SUCLG2: variants seen among roughly 807,000 people sequenced by gnomAD.
SUCLG2 encodes the protein succinate-CoA ligase GDP-forming subunit beta, also known as succinate--CoA ligase [GDP-forming] subunit beta, mitochondrial.
Under a neutral mutation model 47.9 loss-of-function variants are expected in SUCLG2, and 42 were observed. The observed-to-expected ratio is 0.88, with a 90% CI of 0.69 to 1.14. The LOEUF (loss-of-function observed/expected upper bound fraction) is 1.14, where lower values mean the gene tolerates loss of function less well. SUCLG2 is among the 50% of genes most tolerant of loss of function. The pLI, the probability that SUCLG2 is intolerant of heterozygous loss-of-function variation, is 0.00. For synonymous variants in SUCLG2, 195 were observed against 197.3 expected, an observed-to-expected ratio of 0.99 and a Z score of 0.10; for missense variants, 571 against 525.9, an observed-to-expected ratio of 1.09 and a Z score of -0.84.
At chr3:67,366,359 A>G (rs1033338068) in intron 10 of SUCLG2, among the ~76,000 whole-genome samples, 1 of 151,984 alleles carries the variant, frequency 6.6e-6, no homozygotes, top group African/African-American at 2.4e-5. Context: ...ACAAAACAAA[A>G]CAAAAAAACC....
At chr3:67,616,884 T>C (rs905279576) in intron 1 of SUCLG2, among the ~76,000 whole-genome samples, 2 of 152,198 alleles carry the variant, frequency 1.3e-5, no homozygotes, top group African/African-American at 2.4e-5. Context: ...GTGACGACAG[T>C]GGAATACAAA....
intron 9 of SUCLG2, among the ~76,000 whole-genome samples, chr3:67,482,793 T>C (rs1704950991): frequency 1.3e-5 from 2 of 152,202 alleles, no homozygotes; most frequent in African/African-American, 2.4e-5. Flanking sequence ...CTACTTGGGA[T>C]TAACGAGCAA....
chr3:67,557,554 T>C (rs778663948), intron 2 of SUCLG2, among the ~76,000 whole-genome samples: 2 of 152,170 alleles, frequency 1.3e-5, no homozygotes, highest in African/African-American at 4.8e-5. Context: ...AGACCTCATG[T>C]TTTTATTTGA....
chr3:67,512,885 A>C (rs1166212713), intron 6 of SUCLG2, among the ~76,000 whole-genome samples: 1 of 149,622 alleles, frequency 6.7e-6, no homozygotes, highest in Non-Finnish European at 1.5e-5. Flanking sequence ...CCATCTCCAT[A>C]TATATATATA....
intron 1 of SUCLG2, among the ~76,000 whole-genome samples, chr3:67,624,375 G>A (rs1700787090): frequency 6.6e-6 from 1 of 152,178 alleles, no homozygotes; most frequent in South Asian, 2.1e-4. Flanking sequence ...TCCACTATTT[G>A]TGTTTAGAAA....
chr3:67,511,045 A>G (rs1398170385), intron 6 of SUCLG2, among the ~76,000 whole-genome samples: 2 of 151,826 alleles, frequency 1.3e-5, no homozygotes, highest in Non-Finnish European at 2.9e-5. Context: ...TGTGCCACCA[A>G]GCCTGGCTAA....
At chr3:67,613,008 C>T (rs1156917874) in intron 1 of SUCLG2, among the ~76,000 whole-genome samples, 1 of 152,178 alleles carries the variant, frequency 6.6e-6, no homozygotes, top group African/African-American at 2.4e-5. Flanking sequence ...CAAGGTATGC[C>T]CATGGAGCTT....
intron 2 of SUCLG2, among the ~76,000 whole-genome samples, chr3:67,553,527 CT>C: frequency 6.6e-6 from 1 of 152,230 alleles, no homozygotes; most frequent in African/African-American, 2.4e-5. Flanking sequence ...ACTAAACTCC[CT>C]TAAGTAATCA....
intron 2 of SUCLG2, among the ~76,000 whole-genome samples, chr3:67,608,303 A>T (rs1044874756): frequency 3.9e-5 from 6 of 152,232 alleles, no homozygotes; most frequent in African/African-American, 1.2e-4. Flanking sequence ...ACTAACCCAC[A>T]GCTGACAGAA....
chr3:67,592,737 C>CAAAAAAAAAAAAA (rs1364129471), intron 2 of SUCLG2, among the ~76,000 whole-genome samples: 1 of 35,258 alleles, frequency 2.8e-5, no homozygotes. Flanking sequence ...AAAAAAAAAA[C>CAAAAAAAAAAAAA]AACAAAAAAA....
chr3:67,498,019 G>A (rs1410643980), intron 8 of SUCLG2, 115 bp downstream of exon 8: 3 of 1,121,630 alleles, frequency 2.7e-6, no homozygotes, highest in Non-Finnish European at 3.8e-6. Flanking sequence ...AGACTTTTCA[G>A]CTACAAAAAA....
intron 9 of SUCLG2, among the ~76,000 whole-genome samples, chr3:67,402,079 T>A (rs931782468): frequency 6.6e-6 from 1 of 152,206 alleles, no homozygotes; most frequent in Non-Finnish European, 1.5e-5. Flanking sequence ...CCCTAGATTG[T>A]CTACTGATTT....
At chr3:67,381,213 TA>T (rs1702151673) in intron 10 of SUCLG2, among the ~76,000 whole-genome samples, 1 of 150,638 alleles carries the variant, frequency 6.6e-6, no homozygotes, top group Non-Finnish European at 1.5e-5. Flanking sequence ...TAAAATAAAA[TA>T]AAATAAAATA....
chr3:67,383,104 G>A (rs1702192615), intron 10 of SUCLG2, among the ~76,000 whole-genome samples: 5 of 152,194 alleles, frequency 3.3e-5, no homozygotes, highest in Admixed American at 3.3e-4. Context: ...TCTTTGAGAT[G>A]ATATGTGCCT....
intron 7 of SUCLG2, among the ~76,000 whole-genome samples, chr3:67,505,993 A>AAAC (rs1429982152): frequency 1.3e-5 from 2 of 151,976 alleles, no homozygotes; most frequent in Non-Finnish European, 2.9e-5. Flanking sequence ...AAAGAAAAAG[A>AAAC]AACAACAACA....
intron 3 of SUCLG2, among the ~76,000 whole-genome samples, chr3:67,528,885 A>G (rs537303677): frequency 7.2e-5 from 11 of 152,306 alleles, no homozygotes; most frequent in Admixed American, 5.9e-4. Context: ...GTTTTCACCA[A>G]TTAGTAAGAA....
chr3:67,361,336 G>T (rs1004688333), intron 10 of SUCLG2, among the ~76,000 whole-genome samples: 1 of 152,192 alleles, frequency 6.6e-6, no homozygotes, highest in African/African-American at 2.4e-5. Context: ...ATCACGTTGA[G>T]TTTCTCACAG....
At chr3:67,363,289 T>A (rs1254532681) in intron 10 of SUCLG2, among the ~76,000 whole-genome samples, 1 of 152,214 alleles carries the variant, frequency 6.6e-6, no homozygotes, top group Non-Finnish European at 1.5e-5. Flanking sequence ...AGAACCTCCA[T>A]AGTTATTAAA....
chr3:67,402,323 C>A (rs1294943533), intron 9 of SUCLG2, among the ~76,000 whole-genome samples: 1 of 77,112 alleles, frequency 1.3e-5, no homozygotes, highest in Non-Finnish European at 2.8e-5. Context: ...AGTAAGAAAA[C>A]CTTTTTCAGT....
Sources: gnomAD v4.1 joint callset for allele counts (sites outside exome capture counted in the v4.1 genomes callset) on GRCh38, gnomAD v4.1.1 for gene constraint, MANE v1.5 for transcripts, NCBI Gene and HGNC (gene_info 2026-07-23, HGNC 2026-07-21) for gene names.